TCHHL1: variants seen among roughly 807,000 people sequenced by gnomAD.
TCHHL1 encodes trichohyalin-like protein 1.
A neutral mutation model predicts 3.5 loss-of-function variants in TCHHL1; 1 was observed. The observed-to-expected ratio is 0.29, with a 90% CI of 0.10 to 1.36. The LOEUF (loss-of-function observed/expected upper bound fraction) is 1.36. Among genes scored for constraint, TCHHL1 ranks in the 40% most tolerant of loss-of-function variants. The pLI is 0.43. For missense variants in TCHHL1, 1,027 were observed against 1,032.8 expected (o/e 0.99, Z 0.08); for synonymous variants, 405 against 375.3 (o/e 1.08, Z -0.92).
At position 152,086,064 on chromosome 1, in the gene TCHHL1, T is replaced by G. The variant is rs769702657; in HGVS notation, c.1618A>C (p.Thr540Pro). ...YQGEDPESPF[T>P]QSDEGSSETP... is the part of the protein sequence containing the mutation. Reference sequence around the variant, plus strand: ...TCAGAAGACCCCTCATCACTCTGTGTGAATGGTGACTCAGGGTCCTCCCCC... The same window carrying G: ...TCAGAAGACCCCTCATCACTCTGTGGGAATGGTGACTCAGGGTCCTCCCCC... The change falls in exon 3 of 3, where the codon ACA (threonine) becomes CCA (proline). Residue 540 changes from threonine (T) to proline (P), a missense_variant. Thr to Pro is a conservative substitution (Grantham distance 38). Coordinates refer to ENST00000368806, the MANE Select transcript of TCHHL1 (RefSeq NM_001008536.2). 1 of 1,614,198 alleles carries G rather than the reference T, an allele frequency of 6.2e-7. No individual in the cohort carries two copies. The highest frequency in any genetic ancestry group is 8.5e-7 in the Non-Finnish European group (1 of 1,180,034).
Position 152,086,990 on chromosome 1 carries a change from A to T in TCHHL1, c.692T>A (p.Ile231Asn). The change falls in exon 3 of 3, where the codon ATC becomes AAC. Residue 231 changes from isoleucine (I) to asparagine (N), a missense_variant. Physicochemically the swap from Ile to Asn is moderately radical, Grantham distance 149. Around this residue, in one of 3 missense-constraint regions of TCHHL1, gnomAD observed 338 missense variants for 335.9 expected, o/e 1.01. Transcript: ENST00000368806. ...GGCTGGTTCATCTCCTTCCTGGGAGATCTCCTTATCTTGTCCCTTCCTCTC... is the reference window on the plus strand; with the variant it reads ...GGCTGGTTCATCTCCTTCCTGGGAGTTCTCCTTATCTTGTCCCTTCCTCTC... ...PTERKGQDKE[I>N]SQEGDEPARE... 1.2e-6 allele frequency: 2 copies of T among 1,610,446 alleles called. No individual in the cohort carries two copies. The highest frequency in any genetic ancestry group is 1.7e-5 in the Admixed American group (1 of 59,684).
Position 152,085,785 on chromosome 1 carries a change from G to T in TCHHL1, c.1897C>A (p.His633Asn), listed in dbSNP as rs764213395. Reference protein sequence around the residue: ...EDQEQPARGEHKNQGPGTKGP... With the variant: ...EDQEQPARGENKNQGPGTKGP... Reference sequence around the variant, plus strand: ...TTGGTCCCTGGGCCTTGATTCTTGTGTTCTCCTCTGGCAGGCTGTTCCTGG... The same window carrying T: ...TTGGTCCCTGGGCCTTGATTCTTGTTTTCTCCTCTGGCAGGCTGTTCCTGG... Residue 633 changes from histidine to asparagine, a missense_variant, in exon 3 of 3, where the codon CAC becomes AAC. His to Asn is a moderately conservative substitution (Grantham distance 68). Coordinates refer to ENST00000368806, the MANE Select transcript of TCHHL1 (RefSeq NM_001008536.2). 5.0e-6 allele frequency: 8 copies of T among 1,614,122 alleles called. 1 individual carries two copies. In the South Asian group the frequency reaches 8.8e-5, roughly 18 times the overall value.
chr1:152,087,486 C>T lies in TCHHL1; in HGVS notation c.196G>A (p.Gly66Ser), dbSNP rs371850065. 1.1e-5 allele frequency: 17 copies of T among 1,602,016 alleles called. No homozygotes were observed. The highest frequency in any genetic ancestry group is 2.7e-5 in the African/African-American group (2 of 74,888). ...NSNLLNIDSN[G>S]IISFDEFVLA... ...ACAAATTCATCAAAACTGATGATGC[C>T]ATTACTGTCAATATTCAGAAGATTT... Residue 66 changes from glycine (G) to serine (S), a missense_variant, in exon 3 of 3, where the codon GGC becomes AGC. By Grantham distance (56) the Gly-to-Ser change is moderately conservative. Transcript: ENST00000368806.
chr1:152,088,731 C>G lies in TCHHL1; in HGVS notation c.-21+289G>C, dbSNP rs553757344. Among the ~76,000 whole-genome samples, 5 of 152,286 alleles carry G rather than the reference C, an allele frequency of 3.3e-5. No individual in the cohort carries two copies. The South Asian group carries it at 1.0e-3, about 32-fold the overall frequency. ...GACCCCTTATTCATTCATTTCCCAT[C>G]CTTTAAATGCTTCTACATTTTCATT... On this transcript the variant is annotated intron_variant, in intron 1 of 2. Coordinates refer to ENST00000368806, the MANE Select transcript of TCHHL1 (RefSeq NM_001008536.2).
In TCHHL1 at chr1:152,085,183, C is replaced by T. The variant is rs1278639331; in HGVS notation, c.2499G>A (p.Glu833=). Reference sequence around the variant, plus strand: ...CACTGGTGAGGGATACACTGCAAAGCTCTGGGCCTGATGCCTGGGCTATCT... The same window carrying T: ...CACTGGTGAGGGATACACTGCAAAGTTCTGGGCCTGATGCCTGGGCTATCT... ...QVQIAQASGP[E]LCSVSLTSEI... The change falls in exon 3 of 3, where the codon GAG becomes GAA. Residue 833 remains glutamate, a synonymous_variant. Coordinates refer to ENST00000368806, the MANE Select transcript of TCHHL1 (RefSeq NM_001008536.2). The T allele has an allele frequency of 1.9e-6, 3 of 1,614,090 alleles. No individual in the cohort carries two copies. The highest frequency in any genetic ancestry group is 8.5e-7 in the Non-Finnish European group (1 of 1,180,052).
intron 2 of TCHHL1, 85 bp from the exon 3 acceptor site, chr1:152,087,628 C>A: frequency 7.3e-7 from 1 of 1,364,292 alleles, no homozygotes; most frequent in Non-Finnish European, 9.8e-7. Flanking sequence ...TTTTTCTGAC[C>A]TCATTCCTCA....
Position 152,085,606 on chromosome 1 carries a change from C to G in TCHHL1, c.2076G>C (p.Lys692Asn), listed in dbSNP as rs886312669. The G allele has an allele frequency of 6.2e-7, 1 of 1,614,078 alleles. No individual in the cohort carries two copies. The highest frequency in any genetic ancestry group is 1.3e-5 in the African/African-American group (1 of 74,930). ...CCTTTAATTCATTTCTGCTATCTCC[C>G]TTTCCAGGGAGCTGCATTAGGGAAA... ...DQLSLMQLPGKGDSRNELKVQ... is the reference protein window; with the variant it reads ...DQLSLMQLPGNGDSRNELKVQ... The change falls in exon 3 of 3, where the codon AAG becomes AAC. Residue 692 changes from lysine to asparagine, a missense_variant. Around this residue, in one of 3 missense-constraint regions of TCHHL1, gnomAD observed 673 missense variants for 658.6 expected, o/e 1.02. Transcript: ENST00000368806.
In TCHHL1 at chr1:152,086,166, C is replaced by T. The variant is rs781629054; in HGVS notation, c.1516G>A (p.Glu506Lys). Residue 506 changes from glutamate to lysine, a missense_variant, in exon 3 of 3, where the codon GAG becomes AAG. Transcript: ENST00000368806. ...RERTQDLAPL[E>K]KQSVGENTRV... ...GTATTTTCTCCTACAGACTGCTTCT[C>T]AAGTGGTGCTAAATCTTGTGTTCTT... is the stretch of plus-strand genomic sequence containing the variant. 6.2e-7 allele frequency: 1 copy of T among 1,614,080 alleles called. No homozygotes were observed.
At position 152,085,738 on chromosome 1, in the gene TCHHL1, C is replaced by T. The variant is rs1406594890; in HGVS notation, c.1944G>A (p.Glu648=). The T allele has an allele frequency of 1.2e-6, 2 of 1,614,074 alleles. No homozygotes were observed. Among genetic ancestry groups the T allele is most frequent in the East Asian group, 2.2e-5 (1 of 44,884 alleles). The change falls in exon 3 of 3, where the codon GAG becomes GAA. Residue 648 remains glutamate (E), a synonymous_variant. Transcript: ENST00000368806. ...PGTKGPGAAV[E]PNGHPEAQES... ...CCTGTGCTTCTGGGTGTCCATTGGG[C>T]TCCACAGCTGCACCTGGGCCTTTGG...
At position 152,086,970 on chromosome 1, in the gene TCHHL1, G is replaced by C. The variant is rs1052011936; in HGVS notation, c.712C>G (p.Pro238Ala). ...TTGGAAACACTTTGCTCTCTGGCTG[G>C]TTCATCTCCTTCCTGGGAGATCTCC... ...DKEISQEGDEPAREQSVSKIR... is the reference protein window; with the variant it reads ...DKEISQEGDEAAREQSVSKIR... The change falls in exon 3 of 3, where the codon CCA (proline) becomes GCA (alanine). Residue 238 changes from proline (P) to alanine (A), a missense_variant. Around this residue, in one of 3 missense-constraint regions of TCHHL1, gnomAD observed 338 missense variants for 335.9 expected, o/e 1.01. Transcript: ENST00000368806. 7.4e-6 allele frequency: 12 copies of C among 1,613,850 alleles called. No homozygotes were observed. The highest frequency in any genetic ancestry group is 1.3e-5 in the African/African-American group (1 of 74,842).
rs758920306 is a variant in TCHHL1 at position 152,085,351 on chromosome 1, A to G, written c.2331T>C (p.Ser777=). 1.2e-6 allele frequency: 2 copies of G among 1,614,128 alleles called. No homozygotes were observed. Among genetic ancestry groups the G allele is most frequent in the East Asian group, 2.2e-5 (1 of 44,892 alleles). ...KEHNSSVPWS[S]LEKQMQRDQE... is the part of the protein sequence containing the mutation. Reference sequence around the variant, plus strand: ...GGTCTCTCTGCATCTGCTTTTCAAGACTTGACCAGGGGACTGAAGAATTGT... The same window carrying G: ...GGTCTCTCTGCATCTGCTTTTCAAGGCTTGACCAGGGGACTGAAGAATTGT... The change falls in exon 3 of 3, where the codon AGT becomes AGC. Residue 777 remains serine (S), a synonymous_variant. Transcript: ENST00000368806.
rs950540149 is a variant in TCHHL1 at position 152,085,266 on chromosome 1, G to T, written c.2416C>A (p.Gln806Lys). The stretch of plus-strand genomic sequence containing the variant: ...TTTGTTTGCTGCAGTATCTTCTCCT[G>T]TAGGTACTGGTATAGTGGACTGGAA... ...VYSSPLYQYL[Q>K]EKILQQTNVT... is the part of the protein sequence containing the mutation. The change falls in exon 3 of 3, where the codon CAG (glutamine) becomes AAG (lysine). Residue 806 changes from glutamine (Q) to lysine (K), a missense_variant. By Grantham distance (53) the Gln-to-Lys change is moderately conservative (BLOSUM62 1). Transcript: ENST00000368806. 1 of 1,614,184 alleles carries T rather than the reference G, an allele frequency of 6.2e-7. No individual in the cohort carries two copies. Among genetic ancestry groups the T allele is most frequent in the African/African-American group, 1.3e-5 (1 of 75,032 alleles).
In TCHHL1 at chr1:152,084,205, C is replaced by T. The variant is rs1657674863; in HGVS notation, c.*762G>A. The T allele has an allele frequency of 5.9e-6, 1 of 168,930 alleles. No individual in the cohort carries two copies. The highest frequency in any genetic ancestry group is 6.5e-5 in the Admixed American group (1 of 15,284). The allele number at this position is 168,930 out of a possible 1,614,324, so 10.5% of individuals were successfully genotyped here. On this transcript the variant is annotated 3_prime_UTR_variant, in exon 3 of 3. Coordinates refer to ENST00000368806, the MANE Select transcript of TCHHL1 (RefSeq NM_001008536.2). The stretch of plus-strand genomic sequence containing the variant: ...ACCCTCATCAAACCATATAGGTAAA[C>T]ACTTAGTAGACTCACTGGATGGTTG...
chr1:152,087,385 C>CA lies in TCHHL1; in HGVS notation c.296dup (p.Thr100AspfsTer2). ...CTAGCTTCTCCTTCTCTGGTTTAGT[C>CA]ACCTGTCTTAGTTCAGAACTTAGTA... On this transcript the variant is annotated frameshift_variant, in exon 3 of 3. Transcript: ENST00000368806. LOFTEE classifies it low-confidence loss of function (END_TRUNC). 6.2e-7 allele frequency: 1 copy of CA among 1,613,470 alleles called. No homozygotes were observed. The highest frequency in any genetic ancestry group is 8.5e-7 in the Non-Finnish European group (1 of 1,180,026).
In TCHHL1 at chr1:152,085,174, A is replaced by G. The variant is rs528465330; in HGVS notation, c.2508T>C (p.Ser836=). The part of the protein sequence containing the change: ...IAQASGPELC[S]VSLTSEISDC... ...CTGAGATCTCACTGGTGAGGGATAC[A>G]CTGCAAAGCTCTGGGCCTGATGCCT... Residue 836 remains serine (S), a synonymous_variant, in exon 3 of 3, where the codon AGT becomes AGC. Coordinates refer to ENST00000368806, the MANE Select transcript of TCHHL1 (RefSeq NM_001008536.2). The G allele has an allele frequency of 1.9e-6, 3 of 1,614,166 alleles. No individual in the cohort carries two copies. The highest frequency in any genetic ancestry group is 1.3e-5 in the African/African-American group (1 of 75,036).
chr1:152,087,623 C>T, intron 2 of TCHHL1, 80 bp from the exon 3 acceptor site: 1 of 1,402,224 alleles, frequency 7.1e-7, no homozygotes, highest in Admixed American at 2.3e-5. Flanking sequence ...TCCTATTTTT[C>T]TGACCTCATT....
chr1:152,087,689 C>A, intron 2 of TCHHL1, 146 bp from the exon 3 acceptor site: 1 of 889,156 alleles, frequency 1.1e-6, no homozygotes, highest in Non-Finnish European at 1.6e-6. Flanking sequence ...TTCTGCAAGC[C>A]ATTTTTCATC....
chr1:152,085,175 C>G lies in TCHHL1; in HGVS notation c.2507G>C (p.Ser836Thr). The change falls in exon 3 of 3, where the codon AGT becomes ACT. Residue 836 changes from serine to threonine, a missense_variant. This residue lies in a region of TCHHL1 where 673 missense variants were observed against 658.6 expected (regional missense o/e 1.02). Coordinates refer to ENST00000368806, the MANE Select transcript of TCHHL1 (RefSeq NM_001008536.2). ...IAQASGPELC[S>T]VSLTSEISDC... ...TGAGATCTCACTGGTGAGGGATACA[C>G]TGCAAAGCTCTGGGCCTGATGCCTG... The G allele has an allele frequency of 6.2e-7, 1 of 1,614,212 alleles. No homozygotes were observed. Among genetic ancestry groups the G allele is most frequent in the Non-Finnish European group, 8.5e-7 (1 of 1,180,052 alleles).
In TCHHL1 at chr1:152,087,544, C is replaced by A. The variant is rs917079936; in HGVS notation, c.139-1G>T. ...TTTCCACAGCATGAAGGACACAGGG[C>A]TGCATGAAAACACAGTGAGAAATCA... On this transcript the variant is annotated splice_acceptor_variant, in intron 2 of 2. Coordinates refer to ENST00000368806, the MANE Select transcript of TCHHL1 (RefSeq NM_001008536.2). LOFTEE classifies it high-confidence loss of function. The A allele has an allele frequency of 1.3e-6, 2 of 1,584,082 alleles. No individual in the cohort carries two copies. Among genetic ancestry groups the A allele is most frequent in the Non-Finnish European group, 1.7e-6 (2 of 1,173,130 alleles).
Sources: allele counts gnomAD v4.1 joint callset (sites outside exome capture counted in the v4.1 genomes callset), GRCh38; gene constraint gnomAD v4.1.1; regional missense constraint gnomAD v4.1.1; transcripts MANE v1.5; gene names NCBI Gene and HGNC (gene_info 2026-07-23, HGNC 2026-07-21).